Variants in CRIM1 observed in about 807,000 individuals in gnomAD.
The protein encoded by CRIM1 is cysteine rich transmembrane BMP regulator 1, also known as cysteine-rich motor neuron 1 protein.
CRIM1 carries 32 observed loss-of-function variants against 116.4 expected under a neutral mutation model. The observed-to-expected ratio is 0.27, with a 90% CI of 0.21 to 0.37. The LOEUF is 0.37. CRIM1 is among the 10% of genes least tolerant of loss of function. The probability of loss-of-function intolerance (pLI) is 1.00; values close to 1 mark genes in which losing one functional copy is unlikely to be tolerated. For missense variants in CRIM1, 1,331 were observed against 1,354.8 expected, an observed-to-expected ratio of 0.98 and a Z score of 0.28; for synonymous variants, 590 against 509.2, an observed-to-expected ratio of 1.16 and a Z score of -2.13.
chr2:36,477,827 T>C (rs992373560), intron 6 of CRIM1, among the ~76,000 whole-genome samples: 6 of 152,242 alleles, frequency 3.9e-5, no homozygotes, highest in Admixed American at 3.3e-4. Context: ...GATTAGGATG[T>C]TGAAGTTCAG....
intron 2 of CRIM1, among the ~76,000 whole-genome samples, chr2:36,420,548 C>T (rs1426697065): frequency 6.6e-6 from 1 of 152,230 alleles, no homozygotes; most frequent in South Asian, 2.1e-4. Context: ...ATCCCTTTCT[C>T]TTGCCATATG....
intron 1 of CRIM1, among the ~76,000 whole-genome samples, chr2:36,391,176 C>T (rs1453049919): frequency 8.5e-6 from 1 of 117,202 alleles, no homozygotes; most frequent in African/African-American, 3.5e-5. Flanking sequence ...GTCACCCAGG[C>T]TGGAGTGCAG....
chr2:36,390,559 A>G (rs1671497288), intron 1 of CRIM1, among the ~76,000 whole-genome samples: 1 of 151,920 alleles, frequency 6.6e-6, no homozygotes, highest in African/African-American at 2.4e-5. Flanking sequence ...TTTCTTCATC[A>G]TTGTTTTTAT....
Position 36,550,066 on chromosome 2 carries a change from T to TGTGTGC in CRIM1, c.*1366_*1367insTGTGCG, listed in dbSNP as rs374839318. 1,531 of 149,710 alleles carry TGTGTGC rather than the reference T, an allele frequency of 0.01. 10 individuals carry two copies. Among genetic ancestry groups the TGTGTGC allele is most frequent in the Middle Eastern group, 0.045 (13 of 286 alleles). The allele number at this position is 149,710 out of a possible 1,614,324, so 9.3% of individuals were successfully genotyped here. ...ATGTGTGTGTGTGTGTGTGTGTGTG[T>TGTGTGC]GCGCGCGCACGCACGCCTTGAGCAG... On this transcript the variant is annotated 3_prime_UTR_variant, in exon 17 of 17. Coordinates refer to ENST00000280527, the MANE Select transcript of CRIM1 (RefSeq NM_016441.3).
intron 14 of CRIM1, among the ~76,000 whole-genome samples, chr2:36,539,932 G>A (rs768560527): frequency 3.3e-5 from 5 of 152,104 alleles, no homozygotes; most frequent in Non-Finnish European, 7.4e-5. Flanking sequence ...AGGTTTTTAA[G>A]CCTTGAGACT....
rs551209746 is a variant in CRIM1 at position 36,545,926 on chromosome 2, C to A, written c.2747-1058C>A. Among the ~76,000 whole-genome samples the A allele has an allele frequency of 3.9e-5, 6 of 152,204 alleles. No homozygotes were observed. The South Asian group carries it at 1.2e-3, about 32-fold the overall frequency. On this transcript the variant is annotated intron_variant, in intron 15 of 16. Transcript: ENST00000280527. Reference sequence around the variant, plus strand: ...TTTCTTGATGCTGGAAAATATGTTTCTATAAAGTTTTATTGCCATCTGCAC... The same window carrying A: ...TTTCTTGATGCTGGAAAATATGTTTATATAAAGTTTTATTGCCATCTGCAC...
chr2:36,473,867 G>T (rs1030570013), intron 5 of CRIM1, among the ~76,000 whole-genome samples: 1 of 151,946 alleles, frequency 6.6e-6, no homozygotes, highest in Non-Finnish European at 1.5e-5. Flanking sequence ...CATTTCTCTT[G>T]GGTATATACC....
At chr2:36,475,188 A>C (rs1016363764) in intron 5 of CRIM1, among the ~76,000 whole-genome samples, 5 of 152,226 alleles carry the variant, frequency 3.3e-5, no homozygotes, top group African/African-American at 1.2e-4. Flanking sequence ...CAATTTGGGG[A>C]ATATTTCCAT....
rs76415219 is a variant in CRIM1, at chr2:36,386,770, T to C, written c.332-9844T>C. Reference sequence around the variant, plus strand: ...GTAAGTGAAGTAATTTTAATAGATATGCAGTAGAAGTCCTACACTGGAAAT... The same window carrying C: ...GTAAGTGAAGTAATTTTAATAGATACGCAGTAGAAGTCCTACACTGGAAAT... On this transcript the variant is annotated intron_variant, in intron 1 of 16. Transcript: ENST00000280527. Among the ~76,000 whole-genome samples the C allele has an allele frequency of 6.8e-3, 1,032 of 152,318 alleles. 11 individuals carry two copies. The highest frequency in any genetic ancestry group is 0.024 in the African/African-American group (989 of 41,556).
intron 2 of CRIM1, among the ~76,000 whole-genome samples, chr2:36,433,037 T>C (rs1008108589): frequency 1.3e-5 from 2 of 152,172 alleles, no homozygotes; most frequent in Admixed American, 1.3e-4. Flanking sequence ...ATTCTGTAGG[T>C]CTGGTGGGCC....
intron 4 of CRIM1, among the ~76,000 whole-genome samples, chr2:36,456,720 T>G (rs1236785711): frequency 6.6e-6 from 1 of 152,170 alleles, no homozygotes; most frequent in East Asian, 1.9e-4. Flanking sequence ...CTGTAACATT[T>G]CAACAGGGGC....
chr2:36,506,608 C>T (rs1436875518), intron 8 of CRIM1, among the ~76,000 whole-genome samples: 3 of 152,066 alleles, frequency 2.0e-5, no homozygotes, highest in South Asian at 4.1e-4. Flanking sequence ...TAGTTGCTAT[C>T]GACCGGCCAT....
chr2:36,454,389 CACAT>C (rs1185258524), intron 4 of CRIM1, among the ~76,000 whole-genome samples: 1 of 152,178 alleles, frequency 6.6e-6, no homozygotes, highest in African/African-American at 2.4e-5. Context: ...CACACACACA[CACAT>C]ACAGCATCAG....
chr2:36,402,099 C>G (rs1476279125), intron 2 of CRIM1, among the ~76,000 whole-genome samples: 1 of 152,200 alleles, frequency 6.6e-6, no homozygotes, highest in Non-Finnish European at 1.5e-5. Flanking sequence ...CCAAGGGTGT[C>G]TCCTAGGTTT....
Position 36,550,616 on chromosome 2 carries a change from CAAAA to C in CRIM1, c.*1917_*1920del, listed in dbSNP as rs983709459. 62 of 151,602 alleles carry C rather than the reference CAAAA, an allele frequency of 4.1e-4. No individual in the cohort carries two copies. Among genetic ancestry groups the C allele is most frequent in the Middle Eastern group, 3.4e-3 (1 of 290 alleles). The allele number at this position is 151,602 out of a possible 1,614,324, so 9.4% of individuals were successfully genotyped here. The stretch of plus-strand genomic sequence containing the variant: ...TAACCATTTTTTTGTCTTAGAATAT[CAAAA>C]AGAAAAAGAAAAAGGTGTTCTAGCT... On this transcript the variant is annotated 3_prime_UTR_variant, in exon 17 of 17. Transcript: ENST00000280527.
At chr2:36,378,532 C>CT in intron 1 of CRIM1, 1 of 353,472 alleles carries the variant, frequency 2.8e-6, no homozygotes, top group East Asian at 8.8e-5. Flanking sequence ...GGCGGTAAGT[C>CT]ATTTTTTTTT....
intron 2 of CRIM1, among the ~76,000 whole-genome samples, chr2:36,410,400 A>T (rs543678519): frequency 9.2e-5 from 14 of 152,298 alleles, no homozygotes; most frequent in African/African-American, 3.4e-4. Context: ...CTTTTTCTTA[A>T]TATATCCATT....
At chr2:36,406,549 T>G (rs1162030316) in intron 2 of CRIM1, among the ~76,000 whole-genome samples, 1 of 151,880 alleles carries the variant, frequency 6.6e-6, no homozygotes, top group Non-Finnish European at 1.5e-5. Context: ...AGGAAAAACC[T>G]TTGTGGGGGC....
chr2:36,432,914 C>T (rs848498), intron 2 of CRIM1, among the ~76,000 whole-genome samples: 86,484 of 151,750 alleles, frequency 0.57, 24,675 homozygotes, highest in South Asian at 0.62. Flanking sequence ...AATGGGCAGC[C>T]GAGGTTGACA....
Sources: allele counts gnomAD v4.1 joint callset (sites outside exome capture counted in the v4.1 genomes callset), GRCh38; gene constraint gnomAD v4.1.1; transcripts MANE v1.5; gene names NCBI Gene and HGNC (gene_info 2026-07-23, HGNC 2026-07-21).